COL5A2: variants seen among roughly 807,000 people sequenced by gnomAD.
COL5A2 encodes collagen type V alpha 2 chain.
In COL5A2, 23 loss-of-function variants were observed where a neutral mutation model predicts 208.2. The observed-to-expected ratio is 0.11, with a 90% confidence interval of 0.08 to 0.16. COL5A2 has a LOEUF of 0.16. Among genes scored for constraint, COL5A2 ranks in the 10% least tolerant of loss-of-function variants. The pLI is 1.00. For missense variants in COL5A2, 1,590 were observed against 1,956.4 expected (o/e 0.81, Z 3.53); for synonymous variants, 625 against 628.5 (o/e 0.99, Z 0.08).
the COL5A2 span, among the ~76,000 whole-genome samples, chr2:189,301,474 TA>T: frequency 6.6e-6 from 1 of 152,184 alleles, no homozygotes; most frequent in African/African-American, 2.4e-5. Context: ...TTGTATTCTT[TA>T]AAAAATCTAT....
chr2:189,128,946 C>A (rs1250075109), intron 1 of COL5A2, among the ~76,000 whole-genome samples: 1 of 151,814 alleles, frequency 6.6e-6, no homozygotes, highest in Non-Finnish European at 1.5e-5. Flanking sequence ...AGGCAAAAAC[C>A]CTCTTGAATT....
intron 7 of COL5A2, among the ~76,000 whole-genome samples, chr2:189,090,990 A>G (rs550824485): frequency 2.6e-5 from 4 of 152,346 alleles, no homozygotes; most frequent in Admixed American, 2.0e-4. Context: ...CAACTTTTAA[A>G]TCTTATTACT....
At chr2:189,407,452 C>T in the COL5A2 span, among the ~76,000 whole-genome samples, 2 of 152,124 alleles carry the variant, frequency 1.3e-5, no homozygotes, top group South Asian at 4.1e-4. Flanking sequence ...AGGTTCCCTA[C>T]ACATTGAAAG....
chr2:189,124,339 G>A (rs1220902180), intron 1 of COL5A2, among the ~76,000 whole-genome samples: 21 of 152,052 alleles, frequency 1.4e-4, no homozygotes, highest in Admixed American at 1.4e-3. Flanking sequence ...TATTGATGGG[G>A]GAAAGACTAT....
At chr2:189,258,026 A>G in the COL5A2 span, among the ~76,000 whole-genome samples, 5 of 152,116 alleles carry the variant, frequency 3.3e-5, no homozygotes, top group African/African-American at 9.7e-5. Flanking sequence ...AGGCAGGAGA[A>G]TGGCATGAAC....
rs1368339358 is a variant in COL5A2 at position 189,094,857 on chromosome 2, G to A, written c.456+2420C>T. Among the ~76,000 whole-genome samples, 3 of 150,478 alleles carry A rather than the reference G, an allele frequency of 2.0e-5. 1 individual carries two copies. The highest frequency in any genetic ancestry group is 6.7e-5 in the Admixed American group (1 of 15,022). ...ATGAGAGACAGTCATGAAAATCATT[G>A]GCTAATCCTGAAGGTCTTGTAGGAG... On this transcript the variant is annotated intron_variant, in intron 6 of 53. Transcript: ENST00000374866.
intron 1 of COL5A2, among the ~76,000 whole-genome samples, chr2:189,141,728 C>A: frequency 6.6e-6 from 1 of 152,146 alleles, no homozygotes; most frequent in East Asian, 1.9e-4. Context: ...CTTCTAGATT[C>A]TTAAGGTGTA....
At chr2:189,182,811 C>A (rs1688798535), upstream of COL5A2, among the ~76,000 whole-genome samples, 1 of 152,120 alleles carries the variant, frequency 6.6e-6, no homozygotes, top group South Asian at 2.1e-4. Context: ...TATTTATATG[C>A]TCTGGCTTAT....
chr2:189,045,886 G>A lies in COL5A2; in HGVS notation c.3223C>T (p.Pro1075Ser), dbSNP rs922637705. 5 of 1,613,916 alleles carry A rather than the reference G, an allele frequency of 3.1e-6. No individual in the cohort carries two copies. In the African/African-American group the frequency reaches 4.0e-5, roughly 13 times the overall value. Residue 1075 changes from proline to serine, a missense_variant, in exon 46 of 54, where the codon CCT (proline) becomes TCT (serine). Pro to Ser is a moderately conservative substitution (Grantham distance 74). Coordinates refer to ENST00000374866, the MANE Select transcript of COL5A2 (RefSeq NM_000393.5). ...GERGDRGDPG[P>S]AGLPGSQGAP... ...CCCTGAGAGCCTGGCAGACCTGCAGGCCCAGGGTCTCCACGATCACCCTAA... is the reference window on the plus strand; with the variant it reads ...CCCTGAGAGCCTGGCAGACCTGCAGACCCAGGGTCTCCACGATCACCCTAA...
the COL5A2 span, among the ~76,000 whole-genome samples, chr2:189,407,615 T>C: frequency 6.6e-6 from 1 of 152,152 alleles, no homozygotes; most frequent in Non-Finnish European, 1.5e-5. Flanking sequence ...CAGCTGTGTA[T>C]GATTAAGAAT....
chr2:189,314,702 A>T, the COL5A2 span, among the ~76,000 whole-genome samples: 3 of 152,338 alleles, frequency 2.0e-5, no homozygotes, highest in South Asian at 6.2e-4. Context: ...CTAATAAAGA[A>T]GAAAAAGTAG....
chr2:189,367,994 T>C, the COL5A2 span, among the ~76,000 whole-genome samples: 46 of 152,300 alleles, frequency 3.0e-4, no homozygotes, highest in African/African-American at 1.1e-3. Context: ...TTATAACAGA[T>C]TTATTTTCCA....
At chr2:189,319,945 C>T in the COL5A2 span, among the ~76,000 whole-genome samples, 4 of 152,246 alleles carry the variant, frequency 2.6e-5, no homozygotes, top group African/African-American at 4.8e-5. Context: ...CTCACATGGC[C>T]GGGTACCCCT....
chr2:189,375,979 C>T, the COL5A2 span, among the ~76,000 whole-genome samples: 1 of 152,102 alleles, frequency 6.6e-6, no homozygotes. Context: ...ATCTTTTTGC[C>T]CTTTTCTGTC....
chr2:189,299,718 G>T, the COL5A2 span, among the ~76,000 whole-genome samples: 1 of 152,106 alleles, frequency 6.6e-6, no homozygotes, highest in Non-Finnish European at 1.5e-5. Flanking sequence ...CAGTGTTGGA[G>T]GAGAACAATC....
chr2:189,119,248 C>A (rs947783572), intron 1 of COL5A2, among the ~76,000 whole-genome samples: 15 of 151,858 alleles, frequency 9.9e-5, no homozygotes, highest in Admixed American at 3.3e-4. Flanking sequence ...AGCAAACAGA[C>A]AAGGAGGATG....
intron 1 of COL5A2, among the ~76,000 whole-genome samples, chr2:189,203,568 C>T (rs947501773): frequency 4.6e-5 from 7 of 152,186 alleles, no homozygotes; most frequent in Non-Finnish European, 5.9e-5. Flanking sequence ...GTACTAAGCA[C>T]TTTTGTCACC....
At chr2:189,369,783 T>C in the COL5A2 span, among the ~76,000 whole-genome samples, 4 of 152,158 alleles carry the variant, frequency 2.6e-5, no homozygotes, top group Non-Finnish European at 5.9e-5. Context: ...GAGTTTTGCT[T>C]TGACTATGTT....
At chr2:189,304,236 A>C in the COL5A2 span, among the ~76,000 whole-genome samples, 10 of 152,192 alleles carry the variant, frequency 6.6e-5, no homozygotes, top group Admixed American at 6.5e-4. Context: ...TTTTACCAAA[A>C]ATAACAAGGG....
Sources: gnomAD v4.1 joint callset for allele counts (sites outside exome capture counted in the v4.1 genomes callset) on GRCh38, gnomAD v4.1.1 for gene constraint, MANE v1.5 for transcripts, NCBI Gene and HGNC (gene_info 2026-07-23, HGNC 2026-07-21) for gene names.